AMN1: variants seen among roughly 807,000 people sequenced by gnomAD.
The protein encoded by AMN1 is antagonist of mitotic exit network 1 homolog.
AMN1 carries 20 observed loss-of-function variants against 33.0 expected under a neutral mutation model. The ratio of observed to expected loss-of-function variants is 0.61; its 90% CI spans 0.43 to 0.88. AMN1 has a LOEUF of 0.88. Ranked by LOEUF, AMN1 falls within the 40% of genes least tolerant of loss-of-function variation. The pLI is 0.00. For synonymous variants in AMN1, 114 were observed against 111.9 expected (o/e 1.02, Z -0.12); for missense variants, 246 against 307.4 (o/e 0.80, Z 1.49).
At chr12:31,708,644 TTGC>T (rs1939343642) in intron 2 of AMN1, 2 of 157,904 alleles carry the variant, frequency 1.3e-5, no homozygotes, top group South Asian at 1.9e-4. Context: ...TAATAAAAAC[TTGC>T]TGGTTTTGTG....
intron 6 of AMN1, 86 bp downstream of exon 6, chr12:31,688,921 T>C: frequency 1.3e-6 from 1 of 763,936 alleles, no homozygotes. Flanking sequence ...GGAAACTGAA[T>C]AATGAAATGG....
intron 3 of AMN1, among the ~76,000 whole-genome samples, chr12:31,700,966 G>T (rs1592163131): frequency 6.6e-6 from 1 of 151,852 alleles, no homozygotes; most frequent in South Asian, 2.1e-4. Flanking sequence ...TGGGATTACA[G>T]GCGTGAGCCA....
Position 31,689,122 on chromosome 12 carries a change from T to C in AMN1, c.592-4A>G, listed in dbSNP as rs759631222. 20 of 1,590,474 alleles carry C rather than the reference T, an allele frequency of 1.3e-5. No homozygotes were observed. Among genetic ancestry groups the C allele is most frequent in the African/African-American group, 1.1e-4 (8 of 74,294 alleles). On this transcript the variant is annotated splice_polypyrimidine_tract_variant and splice_region_variant and intron_variant, in intron 5 of 6. Transcript: ENST00000281471. ...CACAATGTCCCATATGAATCTCCTA[T>C]GCAAAAATAAAGAAAATAAAGTCAA...
At chr12:31,674,736 T>C (rs977509256) in intron 6 of AMN1, among the ~76,000 whole-genome samples, 3 of 151,428 alleles carry the variant, frequency 2.0e-5, no homozygotes, top group African/African-American at 7.3e-5. Flanking sequence ...AAACACCAAT[T>C]GGCTGGGTAC....
chr12:31,702,588 T>C (rs1001388550), intron 2 of AMN1, among the ~76,000 whole-genome samples: 14 of 152,058 alleles, frequency 9.2e-5, no homozygotes, highest in African/African-American at 3.1e-4. Flanking sequence ...AAAATAGAAA[T>C]GGCTTTACCT....
intron 5 of AMN1, among the ~76,000 whole-genome samples, chr12:31,694,702 T>G (rs1938647866): frequency 6.6e-6 from 1 of 152,160 alleles, no homozygotes; most frequent in Non-Finnish European, 1.5e-5. Flanking sequence ...GCCATGATTG[T>G]GCCACTGTAC....
At chr12:31,697,447 A>C in intron 4 of AMN1, 30 bp from the exon 5 acceptor site, 1 of 1,605,382 alleles carries the variant, frequency 6.2e-7, no homozygotes, top group East Asian at 2.2e-5. Flanking sequence ...AACACAGTCC[A>C]TGAATCCAGA....
intron 6 of AMN1, among the ~76,000 whole-genome samples, chr12:31,684,107 A>G (rs1490400129): frequency 2.6e-5 from 4 of 152,244 alleles, no homozygotes; most frequent in African/African-American, 7.2e-5. Flanking sequence ...CGAACTGCCA[A>G]TGCATGATGT....
At chr12:31,681,599 A>C (rs1387915189) in intron 6 of AMN1, among the ~76,000 whole-genome samples, 3 of 152,152 alleles carry the variant, frequency 2.0e-5, no homozygotes, top group Non-Finnish European at 4.4e-5. Flanking sequence ...GGCAAAGTCG[A>C]GATCCATAAG....
intron 5 of AMN1, 54 bp from the exon 6 acceptor site, chr12:31,689,172 A>C: frequency 8.4e-7 from 1 of 1,196,454 alleles, no homozygotes; most frequent in Non-Finnish European, 1.2e-6. Context: ...CTATAATAAC[A>C]GTATGAACAA....
At chr12:31,697,604 T>C (rs1938787535) in intron 4 of AMN1, 136 bp downstream of exon 4, 4 of 1,093,960 alleles carry the variant, frequency 3.7e-6, no homozygotes, top group Non-Finnish European at 5.3e-6. Flanking sequence ...TCTCAATTAC[T>C]TAACCACAAA....
At chr12:31,692,160 A>C (rs139687036) in intron 5 of AMN1, among the ~76,000 whole-genome samples, 15,226 of 151,248 alleles carry the variant, frequency 0.1, 1,093 homozygotes, top group East Asian at 0.28. Context: ...TACAGGTGTG[A>C]GCCACTGCAC....
At chr12:31,711,524 T>C (rs1054827327) in intron 1 of AMN1, among the ~76,000 whole-genome samples, 1 of 152,240 alleles carries the variant, frequency 6.6e-6, no homozygotes, top group African/African-American at 2.4e-5. Context: ...TTGCTGGCTA[T>C]CTGGATATGC....
intron 1 of AMN1, among the ~76,000 whole-genome samples, chr12:31,728,625 C>A (rs1458288798): frequency 2.6e-5 from 4 of 152,192 alleles, no homozygotes; most frequent in African/African-American, 4.8e-5. Flanking sequence ...CTTTTGAGAA[C>A]CTCATCTAGC....
At position 31,688,075 on chromosome 12, in the gene AMN1, C is replaced by A. The variant is rs546871801; in HGVS notation, c.703+932G>T. On this transcript the variant is annotated intron_variant, in intron 6 of 6. Transcript: ENST00000281471. ...GTTCAAGTGATTCTCCGTCCTCAAT[C>A]TCCCGAGTAGCTGGGATTACAGGTG... is the stretch of plus-strand genomic sequence containing the variant. 5.8e-3 allele frequency among the ~76,000 whole-genome samples: 884 copies of A among 152,284 alleles called. 3 individuals are homozygous for A. The highest frequency in any genetic ancestry group is 0.01 in the Non-Finnish European group (693 of 68,008).
chr12:31,689,185 T>C, intron 5 of AMN1, 67 bp from the exon 6 acceptor site: 2 of 1,068,654 alleles, frequency 1.9e-6, no homozygotes, highest in East Asian at 2.6e-5. Flanking sequence ...ATGAACAATT[T>C]TGAGAAACAT....
chr12:31,696,245 T>C (rs1938720886), intron 5 of AMN1, among the ~76,000 whole-genome samples: 1 of 147,774 alleles, frequency 6.8e-6, no homozygotes, highest in Non-Finnish European at 1.5e-5. Flanking sequence ...TCAAAATAAA[T>C]AAATAAATTA....
At chr12:31,724,434 G>T (rs1939987718) in intron 1 of AMN1, among the ~76,000 whole-genome samples, 2 of 152,094 alleles carry the variant, frequency 1.3e-5, no homozygotes. Context: ...CACATCCTGG[G>T]CAGACAGGGC....
Position 31,672,146 on chromosome 12 carries a change from A to G in AMN1, c.*158T>C. ...TAAGAGTAAAGCACAAACCATGTAT[A>G]TACCAAGACTTAGCTAATTCTCTGA... is the stretch of plus-strand genomic sequence containing the variant. On this transcript the variant is annotated 3_prime_UTR_variant, in exon 7 of 7. Transcript: ENST00000281471. 2 of 594,578 alleles carry G rather than the reference A, an allele frequency of 3.4e-6. No homozygotes were observed. Among genetic ancestry groups the G allele is most frequent in the Non-Finnish European group, 6.0e-6 (2 of 333,614 alleles). The allele number at this position is 594,578 out of a possible 1,614,324, so 36.8% of individuals were successfully genotyped here.
Sources: gnomAD v4.1 joint callset for allele counts (sites outside exome capture counted in the v4.1 genomes callset) on GRCh38, gnomAD v4.1.1 for gene constraint, MANE v1.5 for transcripts, NCBI Gene and HGNC (gene_info 2026-07-23, HGNC 2026-07-21) for gene names.